Variants in BCL9L observed in about 807,000 individuals in gnomAD.
BCL9L encodes B-cell CLL/lymphoma 9-like protein.
In BCL9L, 19 loss-of-function variants were observed where a neutral mutation model predicts 99.4. That is an observed-to-expected ratio of 0.19 (90% confidence interval 0.13 to 0.28). BCL9L has a LOEUF of 0.28. Among genes scored for constraint, BCL9L ranks in the 10% least tolerant of loss-of-function variants. The probability of loss-of-function intolerance (pLI) is 1.00; values close to 1 mark genes in which losing one functional copy is unlikely to be tolerated. For synonymous variants in BCL9L, 900 were observed against 854.8 expected, an observed-to-expected ratio of 1.05 and a Z score of -0.92; for missense variants, 2,023 against 2,101.6, an observed-to-expected ratio of 0.96 and a Z score of 0.73.
At chr11:118,906,177 G>A (rs1281742691) in intron 5 of BCL9L, among the ~76,000 whole-genome samples, 1 of 152,250 alleles carries the variant, frequency 6.6e-6, no homozygotes, top group African/African-American at 2.4e-5. Context: ...CTGGGTGTCA[G>A]AGAGAGACCC....
intron 5 of BCL9L, among the ~76,000 whole-genome samples, chr11:118,904,197 T>C (rs1021169018): frequency 6.6e-6 from 1 of 152,048 alleles, no homozygotes; most frequent in Non-Finnish European, 1.5e-5. Context: ...TCCCAGCAGT[T>C]TGGGCGGTAG....
At chr11:118,899,659 G>A (rs1940119790) in intron 9 of BCL9L, 151 bp from the exon 10 acceptor site, 5 of 1,153,876 alleles carry the variant, frequency 4.3e-6, no homozygotes, top group Non-Finnish European at 4.9e-6. Context: ...AGGGACTGGA[G>A]GCATTGATGC....
Position 118,898,294 on chromosome 11 carries a change from G to GGCCCCCACCCCC in BCL9L, c.*120_*121insGGGGGTGGGGGC. ...TCCACAAATGCCACTCCCTACACAA[G>GGCCCCCACCCCC]CCCCCTCCCACCCCCTCCACCCCAC... is the stretch of plus-strand genomic sequence containing the variant. On this transcript the variant is annotated 3_prime_UTR_variant, in exon 10 of 10. Coordinates refer to ENST00000683865, the MANE Select transcript of BCL9L (RefSeq NM_001378213.1). The GGCCCCCACCCCC allele has an allele frequency of 2.2e-6, 1 of 452,312 alleles. No individual in the cohort carries two copies. Among genetic ancestry groups the GGCCCCCACCCCC allele is most frequent in the Non-Finnish European group, 4.1e-6 (1 of 244,762 alleles). 28.0% of individuals were successfully genotyped at this position (452,312 alleles called of 1,614,324 possible).
chr11:118,901,814 C>T lies in BCL9L; in HGVS notation c.1929G>A (p.Leu643=). Residue 643 remains leucine, a synonymous_variant, in exon 8 of 10, where the codon TTG becomes TTA. Coordinates refer to ENST00000683865, the MANE Select transcript of BCL9L (RefSeq NM_001378213.1). This position sits in a 1 kb window ranked among gnomAD's most constrained non-coding sequence, Gnocchi z 6.6. ...AATTGCTGGGTCCCCCCATAGGGGG[C>T]AAGTCTTCGGTCCAGCCCATGCCTG... The part of the protein sequence containing the change: ...VRPGMGWTED[L]PPMGGPSNFA... 6.2e-7 allele frequency: 1 copy of T among 1,610,254 alleles called. No individual in the cohort carries two copies. The highest frequency in any genetic ancestry group is 8.5e-7 in the Non-Finnish European group (1 of 1,176,952).
At chr11:118,917,253 C>G (rs1940993974) in intron 2 of BCL9L, among the ~76,000 whole-genome samples, 1 of 152,140 alleles carries the variant, frequency 6.6e-6, no homozygotes, top group African/African-American at 2.4e-5. Flanking sequence ...TGCTAAAACC[C>G]CTGGGAGGAT....
chr11:118,903,528 A>ATGCTCACAGCCTTACAGCTCG lies in BCL9L; in HGVS notation c.533-97_533-77dup. 1 of 1,470,730 alleles carries ATGCTCACAGCCTTACAGCTCG rather than the reference A, an allele frequency of 6.8e-7. No individual in the cohort carries two copies. The highest frequency in any genetic ancestry group is 9.4e-7 in the Non-Finnish European group (1 of 1,063,722). 91.1% of individuals were successfully genotyped at this position (1,470,730 alleles called of 1,614,324 possible). ...GACCAGCTGATGCCCCCTCCCACTGATGCTCACAGCCTTACAGCTCGTGCC... is the reference window on the plus strand; with the variant it reads ...GACCAGCTGATGCCCCCTCCCACTGATGCTCACAGCCTTACAGCTCGTGCTCACAGCCTTACAGCTCGTGCC... On this transcript the variant is annotated intron_variant, in intron 5 of 9. Coordinates refer to ENST00000683865, the MANE Select transcript of BCL9L (RefSeq NM_001378213.1). This position sits in a 1 kb window ranked among gnomAD's most constrained non-coding sequence, Gnocchi z 5.6.
chr11:118,899,123 C>T lies in BCL9L; in HGVS notation c.3792G>A (p.Glu1264=). The change falls in exon 10 of 10, where the codon GAG becomes GAA. Residue 1264 remains glutamate (E), a synonymous_variant. Coordinates refer to ENST00000683865, the MANE Select transcript of BCL9L (RefSeq NM_001378213.1). ...GGCCTGGCGGCTGGTTGGGCAGGTC[C>T]TCGGGAGGCAGGGCCATGCCTGACG... The part of the protein sequence containing the change: ...HYPSGMALPP[E]DLPNQPPGPM... 6.4e-7 allele frequency: 1 copy of T among 1,555,114 alleles called. No homozygotes were observed. Among genetic ancestry groups the T allele is most frequent in the African/African-American group, 1.4e-5 (1 of 73,986 alleles).
chr11:118,910,297 G>C (rs1421578614), intron 2 of BCL9L: 1 of 266,988 alleles, frequency 3.7e-6, no homozygotes, highest in Non-Finnish European at 7.6e-6. Flanking sequence ...CAAAGGTGCC[G>C]TGTGGGGCGG....
Position 118,898,127 on chromosome 11 carries a change from A to G in BCL9L, c.*288T>C. On this transcript the variant is annotated 3_prime_UTR_variant, in exon 10 of 10. Transcript: ENST00000683865. ...GTGTGGCGGGTGCAGGGATGCACGG[A>G]AAGAGGTAAAATAGAGAGGCTCCAT... 1.8e-6 allele frequency: 1 copy of G among 551,116 alleles called. No individual in the cohort carries two copies. The highest frequency in any genetic ancestry group is 2.1e-5 in the South Asian group (1 of 48,692). 34.1% of individuals were successfully genotyped at this position (551,116 alleles called of 1,614,324 possible). A position where few individuals can be genotyped will look rare whatever the true frequency, so the allele number is the denominator to read the frequency against.
At chr11:118,910,187 C>G in intron 2 of BCL9L, 172 bp from the exon 3 acceptor site, 1 of 557,390 alleles carries the variant, frequency 1.8e-6, no homozygotes, top group East Asian at 3.1e-5. Flanking sequence ...CCAGCCCTGT[C>G]CCCATCCCTC....
intron 4 of BCL9L, 129 bp downstream of exon 4, chr11:118,908,141 T>C (rs1005130920): frequency 7.6e-7 from 1 of 1,322,124 alleles, no homozygotes; most frequent in Non-Finnish European, 1.0e-6. Flanking sequence ...AAGGTACCCA[T>C]GCAGAAATAC....
rs761551590 is a variant in BCL9L at position 118,898,585 on chromosome 11, C to T, written c.4330G>A (p.Glu1444Lys). The stretch of plus-strand genomic sequence containing the variant: ...ATGTGGGGCGGCTGGCTGTAGACCT[C>T]GCCCCCCACGCCCCGCTGCTTCATC... ...MLMKQRGVGG[E>K]VYSQPPHMLS... is the part of the protein sequence containing the mutation. The change falls in exon 10 of 10, where the codon GAG (glutamate) becomes AAG (lysine). Residue 1444 changes from glutamate to lysine, a missense_variant. Glu to Lys is a moderately conservative substitution (Grantham distance 56, BLOSUM62 1). Coordinates refer to ENST00000683865, the MANE Select transcript of BCL9L (RefSeq NM_001378213.1). The T allele has an allele frequency of 1.6e-5, 26 of 1,610,920 alleles. No individual in the cohort carries two copies. The highest frequency in any genetic ancestry group is 4.5e-5 in the East Asian group (2 of 44,862).
At position 118,915,000 on chromosome 11, in the gene BCL9L, G is replaced by A. The variant is rs947551049; in HGVS notation, c.-77+3826C>T. Among the ~76,000 whole-genome samples, 1 of 152,154 alleles carries A rather than the reference G, an allele frequency of 6.6e-6. No individual in the cohort carries two copies. The highest frequency in any genetic ancestry group is 2.4e-5 in the African/African-American group (1 of 41,416). ...CAAACACAAAAATTATCCAGACATG[G>A]TGGTGGGCGCCTGTAATCCTAGCTA... On this transcript the variant is annotated intron_variant, in intron 2 of 9. Coordinates refer to ENST00000683865, the MANE Select transcript of BCL9L (RefSeq NM_001378213.1). This position sits in a 1 kb window ranked among gnomAD's most constrained non-coding sequence, Gnocchi z 4.4.
chr11:118,915,157 A>G (rs1466307081), intron 2 of BCL9L, among the ~76,000 whole-genome samples: 1 of 151,788 alleles, frequency 6.6e-6, no homozygotes, highest in Non-Finnish European at 1.5e-5. Context: ...GTTTGTAGTC[A>G]GACAGTGTCA....
Position 118,900,076 on chromosome 11 carries a change from G to C in BCL9L, c.3247C>G (p.Pro1083Ala), listed in dbSNP as rs1244492914. Residue 1083 changes from proline (P) to alanine (A), a missense_variant, in exon 9 of 10, where the codon CCC becomes GCC. Pro to Ala is a conservative substitution (Grantham distance 27, BLOSUM62 -1). This residue lies in a region of BCL9L where 902 missense variants were observed against 888.2 expected (regional missense o/e 1.02). Coordinates refer to ENST00000683865, the MANE Select transcript of BCL9L (RefSeq NM_001378213.1). The surrounding 1 kb of genome is among the most constrained non-coding windows in gnomAD (Gnocchi z 5.3). Reference protein sequence around the residue: ...SSPDPTPSQNPLSLMMTQMSK... With the variant: ...SSPDPTPSQNALSLMMTQMSK... Reference sequence around the variant, plus strand: ...ATCTGGGTCATCATCAGTGACAGGGGGTTCTGGGAAGGTGTGGGGTCTGGG... The same window carrying C: ...ATCTGGGTCATCATCAGTGACAGGGCGTTCTGGGAAGGTGTGGGGTCTGGG... 1 of 1,614,040 alleles carries C rather than the reference G, an allele frequency of 6.2e-7. No individual in the cohort carries two copies. Among genetic ancestry groups the C allele is most frequent in the Non-Finnish European group, 8.5e-7 (1 of 1,179,960 alleles).
At position 118,898,314 on chromosome 11, in the gene BCL9L, C is replaced by CCCCCCCCCCCCCCCCCCCCCCCCCCA; in HGVS notation, c.*100_*101insTGGGGGGGGGGGGGGGGGGGGGGGGG. ...CACAAGCCCCCTCCCACCCCCTCCA[C>CCCCCCCCCCCCCCCCCCCCCCCCCCA]CCCACCCCGCGACCCAGGCCATCCC... is the stretch of plus-strand genomic sequence containing the variant. On this transcript the variant is annotated 3_prime_UTR_variant, in exon 10 of 10. Coordinates refer to ENST00000683865, the MANE Select transcript of BCL9L (RefSeq NM_001378213.1). 1 of 804,900 alleles carries CCCCCCCCCCCCCCCCCCCCCCCCCCA rather than the reference C, an allele frequency of 1.2e-6. No individual in the cohort carries two copies. Among genetic ancestry groups the CCCCCCCCCCCCCCCCCCCCCCCCCCA allele is most frequent in the Non-Finnish European group, 1.8e-6 (1 of 562,984 alleles). 49.9% of individuals were successfully genotyped at this position (804,900 alleles called of 1,614,324 possible).
Position 118,900,494 on chromosome 11 carries a change from C to T in BCL9L, c.3124+125G>A, listed in dbSNP as rs1294096114. 2 of 1,442,586 alleles carry T rather than the reference C, an allele frequency of 1.4e-6. No individual in the cohort carries two copies. The highest frequency in any genetic ancestry group is 2.4e-5 in the East Asian group (1 of 40,906). The allele number at this position is 1,442,586 out of a possible 1,614,324, so 89.4% of individuals were successfully genotyped here. On this transcript the variant is annotated intron_variant, in intron 8 of 9. Coordinates refer to ENST00000683865, the MANE Select transcript of BCL9L (RefSeq NM_001378213.1). This position sits in a 1 kb window ranked among gnomAD's most constrained non-coding sequence, Gnocchi z 5.3. ...CAAATGTCATCATCTGCCCCATAAG[C>T]AGAGCCATCCACCTCTGGGCCCGTG... is the stretch of plus-strand genomic sequence containing the variant.
Position 118,902,341 on chromosome 11 carries a change from G to C in BCL9L, c.1402C>G (p.Pro468Ala), listed in dbSNP as rs148999907. Reference protein sequence around the residue: ...PPSGLKKYEEPLQSMISQTQS... With the variant: ...PPSGLKKYEEALQSMISQTQS... ...GTCTGTGAAATCATGGACTGCAAGGGTTCCTCATATTTCTTCAGCCCGCTG... is the reference window on the plus strand; with the variant it reads ...GTCTGTGAAATCATGGACTGCAAGGCTTCCTCATATTTCTTCAGCCCGCTG... The change falls in exon 8 of 10, where the codon CCC becomes GCC. Residue 468 changes from proline to alanine, a missense_variant. By Grantham distance (27) the Pro-to-Ala change is conservative (BLOSUM62 -1). This residue lies in a region of BCL9L where 1,116 missense variants were observed against 1,194.6 expected (regional missense o/e 0.93). Transcript: ENST00000683865. The surrounding 1 kb of genome is among the most constrained non-coding windows in gnomAD (Gnocchi z 7.8). 1 of 1,534,100 alleles carries C rather than the reference G, an allele frequency of 6.5e-7. No homozygotes were observed.
chr11:118,906,516 G>A (rs1358816880), intron 5 of BCL9L, among the ~76,000 whole-genome samples: 3 of 152,178 alleles, frequency 2.0e-5, no homozygotes, highest in Non-Finnish European at 4.4e-5. Context: ...TTGGCATCAT[G>A]ATAACACTGA....
Sources: allele counts gnomAD v4.1 joint callset (sites outside exome capture counted in the v4.1 genomes callset), GRCh38; gene constraint gnomAD v4.1.1; regional missense constraint gnomAD v4.1.1; non-coding constraint Gnocchi (gnomAD v3.1); transcripts MANE v1.5; gene names NCBI Gene and HGNC (gene_info 2026-07-23, HGNC 2026-07-21).